Variants in MTMR3 observed in about 807,000 individuals in gnomAD.
MTMR3 encodes the protein phosphatidylinositol-3,5-bisphosphate 3-phosphatase MTMR3.
Under a neutral mutation model 132.4 loss-of-function variants are expected in MTMR3, and 32 were observed. The ratio of observed to expected loss-of-function variants is 0.24; its 90% CI spans 0.18 to 0.32. The LOEUF is 0.32. MTMR3 is among the 10% of genes least tolerant of loss of function. MTMR3 has a pLI of 1.00. For missense variants in MTMR3, 1,216 were observed against 1,489.6 expected (o/e 0.82, Z 3.02); for synonymous variants, 556 against 550.3 (o/e 1.01, Z -0.14).
chr22:29,950,018 G>A (rs1246865764), intron 1 of MTMR3, among the ~76,000 whole-genome samples: 8 of 152,194 alleles, frequency 5.3e-5, no homozygotes, highest in Non-Finnish European at 1.0e-4. Flanking sequence ...GGTTAACTGA[G>A]AGCAAGAAGC....
chr22:29,895,608 G>A (rs183562713), intron 1 of MTMR3, among the ~76,000 whole-genome samples: 6 of 152,318 alleles, frequency 3.9e-5, no homozygotes, highest in Admixed American at 3.9e-4. Context: ...GCAACGTGTT[G>A]TCGGGTGGTT....
chr22:29,965,731 C>A (rs886327647), intron 2 of MTMR3, among the ~76,000 whole-genome samples: 6 of 151,994 alleles, frequency 3.9e-5, no homozygotes, highest in Non-Finnish European at 7.4e-5. Context: ...GGGAAGATAG[C>A]TTATGTATAT....
chr22:29,954,059 C>CTTT (rs59781649), intron 1 of MTMR3, among the ~76,000 whole-genome samples: 1,106 of 79,344 alleles, frequency 0.014, 131 homozygotes, highest in African/African-American at 0.024. Context: ...TCAAATGAGT[C>CTTT]TTTTTTTTTT....
chr22:29,918,856 T>A (rs1371421921), intron 1 of MTMR3, among the ~76,000 whole-genome samples: 1 of 152,206 alleles, frequency 6.6e-6, no homozygotes, highest in Non-Finnish European at 1.5e-5. Context: ...TATTTGCCTT[T>A]AAGAATACAA....
intron 1 of MTMR3, among the ~76,000 whole-genome samples, chr22:29,929,769 C>T (rs2062018195): frequency 6.6e-6 from 1 of 152,126 alleles, no homozygotes; most frequent in Admixed American, 6.5e-5. Flanking sequence ...ATCTTGGCCT[C>T]CAAAAGTGCT....
chr22:30,019,703 G>C lies in MTMR3; in HGVS notation c.2044G>C (p.Ala682Pro). 1 of 1,614,250 alleles carries C rather than the reference G, an allele frequency of 6.2e-7. No homozygotes were observed. Among genetic ancestry groups the C allele is most frequent in the Non-Finnish European group, 8.5e-7 (1 of 1,180,048 alleles). ...GGGGGGTGCCGAGCTTTCTGTTGCAGCCGGAGTAGCTGAGGGGCAGATGGA... is the reference window on the plus strand; with the variant it reads ...GGGGGGTGCCGAGCTTTCTGTTGCACCCGGAGTAGCTGAGGGGCAGATGGA... ...VPGGAELSVA[A>P]GVAEGQMENI... The change falls in exon 17 of 20, where the codon GCC (alanine) becomes CCC (proline). Residue 682 changes from alanine (A) to proline (P), a missense_variant. Coordinates refer to ENST00000401950, the MANE Select transcript of MTMR3 (RefSeq NM_021090.4).
chr22:29,969,531 T>G (rs772798846), intron 2 of MTMR3, among the ~76,000 whole-genome samples: 1 of 151,834 alleles, frequency 6.6e-6, no homozygotes, highest in African/African-American at 2.4e-5. Context: ...TTTTTTTTGT[T>G]TTTTTGGTTT....
intron 1 of MTMR3, among the ~76,000 whole-genome samples, chr22:29,948,873 G>A (rs2066001134): frequency 6.6e-6 from 1 of 151,196 alleles, no homozygotes; most frequent in Non-Finnish European, 1.5e-5. Context: ...GGGAGGCTGA[G>A]GCAGGAGGAT....
At chr22:29,914,701 A>T (rs2065277298) in intron 1 of MTMR3, among the ~76,000 whole-genome samples, 1 of 152,020 alleles carries the variant, frequency 6.6e-6, no homozygotes, top group African/African-American at 2.4e-5. Context: ...CTTAAATTTT[A>T]TTCTGGAAGT....
chr22:29,933,311 A>G (rs2065682574), intron 1 of MTMR3, among the ~76,000 whole-genome samples: 1 of 151,854 alleles, frequency 6.6e-6, no homozygotes, highest in Non-Finnish European at 1.5e-5. Context: ...ATCCAGGCAA[A>G]AAAAACTGTG....
chr22:29,968,094 C>G lies in MTMR3; in HGVS notation c.-84-2882C>G, dbSNP rs1230115446. On this transcript the variant is annotated intron_variant, in intron 2 of 19. Transcript: ENST00000401950. The stretch of plus-strand genomic sequence containing the variant: ...TATGTGGACATACCTTGTCAGTTCT[C>G]TTAGGTATATACCCAGGAGTGGAAC... 4.6e-5 allele frequency among the ~76,000 whole-genome samples: 7 copies of G among 152,238 alleles called. 1 individual carries two copies. The highest frequency in any genetic ancestry group is 6.5e-5 in the Admixed American group (1 of 15,278).
In MTMR3 at chr22:29,961,371, T is replaced by TA. The variant is rs1376264977; in HGVS notation, c.-85+4285dup. 1.1e-4 allele frequency among the ~76,000 whole-genome samples: 17 copies of TA among 152,236 alleles called. No individual in the cohort carries two copies. The East Asian group carries it at 3.3e-3, about 29-fold the overall frequency. ...GGTTAAGTTATGATACATTGGGGTATAATGGAATACTGAACTGCCATATGT... is the reference window on the plus strand; with the variant it reads ...GGTTAAGTTATGATACATTGGGGTATAAATGGAATACTGAACTGCCATATGT... On this transcript the variant is annotated intron_variant, in intron 2 of 19. Coordinates refer to ENST00000401950, the MANE Select transcript of MTMR3 (RefSeq NM_021090.4).
At chr22:29,897,363 C>T (rs916122301) in intron 1 of MTMR3, among the ~76,000 whole-genome samples, 3 of 152,164 alleles carry the variant, frequency 2.0e-5, no homozygotes, top group African/African-American at 7.2e-5. Flanking sequence ...GCGTAAGCCA[C>T]CATGTCCAGC....
chr22:29,955,874 C>T (rs1054941051), intron 1 of MTMR3, among the ~76,000 whole-genome samples: 3 of 152,140 alleles, frequency 2.0e-5, no homozygotes, highest in African/African-American at 7.2e-5. Flanking sequence ...GCCTCAGCCT[C>T]CTGAGTAGCT....
At chr22:29,949,319 A>G (rs1335788103) in intron 1 of MTMR3, among the ~76,000 whole-genome samples, 1 of 151,900 alleles carries the variant, frequency 6.6e-6, no homozygotes, top group African/African-American at 2.4e-5. Context: ...GAAACACCCC[A>G]TCTGTACTAA....
intron 1 of MTMR3, among the ~76,000 whole-genome samples, chr22:29,904,820 T>TTGTG (rs58144404): frequency 9.3e-5 from 14 of 150,686 alleles, no homozygotes; most frequent in African/African-American, 2.7e-4. Context: ...TGTGTGTGTG[T>TTGTG]TGTGTGTGTG....
chr22:29,913,459 AC>A (rs1229146759), intron 1 of MTMR3, among the ~76,000 whole-genome samples: 1 of 152,170 alleles, frequency 6.6e-6, no homozygotes, highest in Non-Finnish European at 1.5e-5. Context: ...ACATATGTAT[AC>A]CTTTGACTCT....
chr22:29,998,947 C>T, intron 8 of MTMR3, 90 bp downstream of exon 8: 3 of 753,084 alleles, frequency 4.0e-6, no homozygotes, highest in East Asian at 3.1e-5. Flanking sequence ...TGAACTTAGA[C>T]TTTTTATTTG....
At chr22:30,016,237 T>A in intron 14 of MTMR3, 1 of 347,710 alleles carries the variant, frequency 2.9e-6, no homozygotes, top group Non-Finnish European at 5.3e-6. Context: ...CTGCACCCAG[T>A]TCATATGCTG....
Sources: allele counts gnomAD v4.1 joint callset (sites outside exome capture counted in the v4.1 genomes callset), GRCh38; gene constraint gnomAD v4.1.1; transcripts MANE v1.5; gene names NCBI Gene and HGNC (gene_info 2026-07-23, HGNC 2026-07-21).